Variants in SLC9B1 observed in about 807,000 individuals in gnomAD.
The protein encoded by SLC9B1 is solute carrier family 9 member B1.
Under a neutral mutation model 51.7 loss-of-function variants are expected in SLC9B1, and 32 were observed. The ratio of observed to expected loss-of-function variants is 0.62; its 90% CI spans 0.47 to 0.83. The LOEUF (loss-of-function observed/expected upper bound fraction) is 0.83, where lower values mean the gene tolerates loss of function less well. SLC9B1 is among the 40% of genes least tolerant of loss of function. The pLI is 0.00. For synonymous variants in SLC9B1, 145 were observed against 212.7 expected (o/e 0.68, Z 2.77); for missense variants, 406 against 613.2 (o/e 0.66, Z 3.57).
chr4:102,989,605 G>A (rs952999795), intron 3 of SLC9B1, among the ~76,000 whole-genome samples, 195 bp downstream of exon 3: 2 of 151,618 alleles, frequency 1.3e-5, no homozygotes, highest in Non-Finnish European at 3.0e-5. Context: ...CACCTCCTAG[G>A]CAATATTTTG....
intron 3 of SLC9B1, among the ~76,000 whole-genome samples, chr4:102,971,087 A>T (rs1418494996): frequency 1.3e-5 from 2 of 152,196 alleles, no homozygotes; most frequent in Non-Finnish European, 2.9e-5. Flanking sequence ...AATGAGACAG[A>T]AGGTTAACAA....
At chr4:102,951,960 C>CTTTTTTTTTTT (rs765709645) in intron 3 of SLC9B1, among the ~76,000 whole-genome samples, 245 of 6,514 alleles carry the variant, frequency 0.038, 70 homozygotes, top group East Asian at 0.14. Context: ...AAAATAAAAT[C>CTTTTTTTTTTT]TTTTTTTTTT....
chr4:102,906,355 A>T (rs911454190), intron 10 of SLC9B1, 181 bp downstream of exon 10: 89 of 386,898 alleles, frequency 2.3e-4, no homozygotes, highest in African/African-American at 1.8e-3. Flanking sequence ...TCCTTGGTTT[A>T]TAAAAAAAAA....
At chr4:102,990,481 T>C (rs915646721) in intron 2 of SLC9B1, among the ~76,000 whole-genome samples, 1 of 152,054 alleles carries the variant, frequency 6.6e-6, no homozygotes, top group Non-Finnish European at 1.5e-5. Flanking sequence ...GGCCTTTTAA[T>C]GGTAGCCTGA....
At chr4:102,996,952 A>ATTTT (rs35142141) in intron 1 of SLC9B1, among the ~76,000 whole-genome samples, 1 of 148,018 alleles carries the variant, frequency 6.8e-6, no homozygotes. Context: ...ATGTCCAGCA[A>ATTTT]TTTTTTTTTT....
At chr4:102,940,162 T>C (rs921555447) in intron 6 of SLC9B1, among the ~76,000 whole-genome samples, 2 of 152,150 alleles carry the variant, frequency 1.3e-5, no homozygotes, top group Middle Eastern at 3.4e-3. Flanking sequence ...AAGTTTCAGG[T>C]TACAAAACTC....
In SLC9B1 at chr4:102,910,512, C is replaced by T. The variant is rs1383154625; in HGVS notation, c.1013G>A (p.Gly338Asp). ...GCATAATCCTCCAGATCCATGTAAA[C>T]CAATACGTTGGCTGCCTAAGACGGC... is the stretch of plus-strand genomic sequence containing the variant. ...VSAVLGSQRI[G>D]LHGSGGLCTL... Residue 338 changes from glycine to aspartate, a missense_variant, in exon 9 of 12, where the codon GGT becomes GAT. Physicochemically the swap from Gly to Asp is moderately conservative, Grantham distance 94 (BLOSUM62 -1). Coordinates refer to ENST00000296422, the MANE Select transcript of SLC9B1 (RefSeq NM_139173.4). 6.4e-7 allele frequency: 1 copy of T among 1,562,516 alleles called. No homozygotes were observed. The highest frequency in any genetic ancestry group is 8.6e-7 in the Non-Finnish European group (1 of 1,158,420).
At chr4:102,905,233 A>ATTTATTTATTTATTTATTTATTTT (rs569004930) in intron 11 of SLC9B1, among the ~76,000 whole-genome samples, 3 of 149,468 alleles carry the variant, frequency 2.0e-5, no homozygotes, top group Non-Finnish European at 4.4e-5. Context: ...TTATTTATTT[A>ATTTATTTATTTATTTATTTATTTT]TTTTTTTGAG....
chr4:102,939,406 CAAAAAAA>C lies in SLC9B1; in HGVS notation c.653+5780_653+5786del, dbSNP rs56014819. Among the ~76,000 whole-genome samples, 4 of 68,264 alleles carry C rather than the reference CAAAAAAA, an allele frequency of 5.9e-5. No individual in the cohort carries two copies. The East Asian group carries it at 1.9e-3, about 32-fold the overall frequency. 44.8% of individuals were successfully genotyped at this position (68,264 alleles called of 152,430 possible). A position where few individuals can be genotyped will look rare whatever the true frequency, so the allele number is the denominator to read the frequency against. On this transcript the variant is annotated intron_variant, in intron 6 of 11. Coordinates refer to ENST00000296422, the MANE Select transcript of SLC9B1 (RefSeq NM_139173.4). ...AATGAGTAATAAAAAGTCTCTGAGC[CAAAAAAA>C]AAAAAAAAAAAAAAAGCAAGCCCAG...
At position 102,964,643 on chromosome 4, in the gene SLC9B1, A is replaced by G. The variant is rs532804177; in HGVS notation, c.212-15216T>C. On this transcript the variant is annotated intron_variant, in intron 3 of 11. Coordinates refer to ENST00000296422, the MANE Select transcript of SLC9B1 (RefSeq NM_139173.4). The stretch of plus-strand genomic sequence containing the variant: ...CTCAGGAATGTGAGGTGGTTGACTT[A>G]ACATCCAAAAATCAATGTAATAAAC... 2.6e-5 allele frequency among the ~76,000 whole-genome samples: 4 copies of G among 152,344 alleles called. No homozygotes were observed. The East Asian group carries it at 7.7e-4, about 29-fold the overall frequency.
intron 1 of SLC9B1, among the ~76,000 whole-genome samples, chr4:103,002,349 A>G (rs1740569609): frequency 6.6e-6 from 1 of 152,244 alleles, no homozygotes; most frequent in Admixed American, 6.5e-5. Context: ...TCCAGAGCCC[A>G]TACTCTTAAA....
intron 2 of SLC9B1, 138 bp from the exon 3 acceptor site, chr4:102,990,079 T>G: frequency 2.9e-6 from 2 of 689,740 alleles, no homozygotes. Flanking sequence ...AGAAGATTCA[T>G]GCTCCATATC....
chr4:103,006,907 A>G (rs937371184), intron 1 of SLC9B1, among the ~76,000 whole-genome samples: 1 of 152,246 alleles, frequency 6.6e-6, no homozygotes, highest in African/African-American at 2.4e-5. Context: ...CGATACAGAA[A>G]TGGCTTTTAA....
chr4:102,903,088 T>G (rs1279114446), intron 11 of SLC9B1, among the ~76,000 whole-genome samples: 1 of 152,236 alleles, frequency 6.6e-6, no homozygotes, highest in Admixed American at 6.5e-5. Flanking sequence ...CTTGATATTC[T>G]TTGTGTAGAA....
At chr4:102,895,669 A>G (rs1175632298) in intron 11 of SLC9B1, among the ~76,000 whole-genome samples, 1 of 152,212 alleles carries the variant, frequency 6.6e-6, no homozygotes, top group East Asian at 1.9e-4. Context: ...AAGGCCAATG[A>G]TGACCTTACC....
chr4:102,975,586 ATTTT>A (rs1197166005), intron 3 of SLC9B1, among the ~76,000 whole-genome samples: 7 of 62,306 alleles, frequency 1.1e-4, no homozygotes, highest in African/African-American at 3.7e-4. Flanking sequence ...ATATATATAT[ATTTT>A]TTTTTTTTTT....
intron 7 of SLC9B1, among the ~76,000 whole-genome samples, chr4:102,913,585 A>G (rs1050797708): frequency 1.3e-5 from 2 of 152,062 alleles, no homozygotes; most frequent in African/African-American, 4.8e-5. Flanking sequence ...AATAACAGGC[A>G]TAAGAAGAAA....
intron 7 of SLC9B1, among the ~76,000 whole-genome samples, chr4:102,915,459 A>G (rs1735533901): frequency 6.6e-6 from 1 of 152,104 alleles, no homozygotes; most frequent in African/African-American, 2.4e-5. Flanking sequence ...CAGTGGTTTG[A>G]TCACAGCTCA....
intron 1 of SLC9B1, among the ~76,000 whole-genome samples, chr4:103,002,289 A>G (rs144622778): frequency 2.6e-5 from 4 of 152,348 alleles, no homozygotes; most frequent in East Asian, 1.9e-4. Context: ...AACATCTTCA[A>G]TGTTACATAA....
Sources: gnomAD v4.1 joint callset for allele counts (sites outside exome capture counted in the v4.1 genomes callset) on GRCh38, gnomAD v4.1.1 for gene constraint, MANE v1.5 for transcripts, NCBI Gene and HGNC (gene_info 2026-07-23, HGNC 2026-07-21) for gene names.